SRGAP3: variants seen among roughly 807,000 people sequenced by gnomAD.
SRGAP3 encodes SLIT-ROBO Rho GTPase activating protein 3, also known as SLIT-ROBO Rho GTPase-activating protein 3.
In SRGAP3, 39 loss-of-function variants were observed where a neutral mutation model predicts 121.1. That is an observed-to-expected ratio of 0.32 (90% confidence interval 0.25 to 0.42). The LOEUF (loss-of-function observed/expected upper bound fraction) is 0.42, where lower values mean the gene tolerates loss of function less well. Ranked by LOEUF, SRGAP3 falls within the 10% of genes least tolerant of loss-of-function variation. The pLI is 1.00. For missense variants in SRGAP3, 1,213 were observed against 1,470.6 expected (o/e 0.82, Z 2.86); for synonymous variants, 601 against 570.0 (o/e 1.05, Z -0.77).
chr3:9,163,349 G>A (rs959219466), intron 1 of SRGAP3, among the ~76,000 whole-genome samples: 1 of 152,216 alleles, frequency 6.6e-6, no homozygotes, highest in Non-Finnish European at 1.5e-5. Flanking sequence ...AGCGAAGGAA[G>A]CAGAAAAGAA....
At chr3:9,339,933 A>C (rs1955754052) in intron 1 of SRGAP3, among the ~76,000 whole-genome samples, 1 of 152,196 alleles carries the variant, frequency 6.6e-6, no homozygotes, top group African/African-American at 2.4e-5. Flanking sequence ...AGGAACCTGG[A>C]GTGACAGGAT....
Position 9,061,529 on chromosome 3 carries a change from C to T in SRGAP3, c.673-1170G>A, listed in dbSNP as rs1019945276. 4.6e-5 allele frequency among the ~76,000 whole-genome samples: 7 copies of T among 152,148 alleles called. 1 individual carries two copies. Among genetic ancestry groups the T allele is most frequent in the African/African-American group, 9.7e-5 (4 of 41,428 alleles). The stretch of plus-strand genomic sequence containing the variant: ...CCCACTCCCTCTGCCCACCCCTGCC[C>T]GGCTCTTTTCTTAATAAGCACTTCC... On this transcript the variant is annotated intron_variant, in intron 5 of 21. Transcript: ENST00000383836.
In SRGAP3 at chr3:9,354,406, G is replaced by A. The variant is rs112585539; in HGVS notation, n.214+8434C>T. Among the ~76,000 whole-genome samples, 402 of 152,158 alleles carry A rather than the reference G, an allele frequency of 2.6e-3. 2 individuals carry two copies. The highest frequency in any genetic ancestry group is 9.3e-3 in the African/African-American group (386 of 41,520). ...TTAAGAATAGGCAAGGAGGCCGGGC[G>A]CGGTGGCTCATGCCTGTAATCCCAG... On this transcript the variant is annotated intron_variant and non_coding_transcript_variant, in intron 1 of 3. Transcript: ENST00000490889.
chr3:9,021,413 G>A (rs1408401232), intron 14 of SRGAP3, among the ~76,000 whole-genome samples: 1 of 152,012 alleles, frequency 6.6e-6, no homozygotes, highest in Non-Finnish European at 1.5e-5. Flanking sequence ...TTTTCATGAT[G>A]TGTTTTTTTT....
At chr3:9,016,011 T>C in intron 14 of SRGAP3, 2 of 471,816 alleles carry the variant, frequency 4.2e-6, no homozygotes, top group South Asian at 4.6e-5. Flanking sequence ...TCTCGCTCTT[T>C]CTGTATTTAT....
chr3:9,187,422 G>T (rs770816981), intron 1 of SRGAP3, among the ~76,000 whole-genome samples: 4 of 152,066 alleles, frequency 2.6e-5, no homozygotes, highest in Non-Finnish European at 4.4e-5. Context: ...ACGCCCAGAC[G>T]CTGTGCTGAG....
At chr3:9,228,887 C>A (rs1953092717) in intron 1 of SRGAP3, among the ~76,000 whole-genome samples, 1 of 151,378 alleles carries the variant, frequency 6.6e-6, no homozygotes, top group African/African-American at 2.4e-5. Context: ...ATGGTGAAAC[C>A]CCGTCTCTAC....
At chr3:9,357,267 AATTG>A (rs1350822847) in intron 1 of SRGAP3, among the ~76,000 whole-genome samples, 2 of 152,158 alleles carry the variant, frequency 1.3e-5, no homozygotes, top group African/African-American at 2.4e-5. Flanking sequence ...CATTTTTTTT[AATTG>A]ATAATGGGAT....
chr3:9,310,628 C>A (rs912602037), intron 3 of SRGAP3, among the ~76,000 whole-genome samples: 2 of 152,160 alleles, frequency 1.3e-5, no homozygotes, highest in Non-Finnish European at 2.9e-5. Context: ...ACTGCTATAA[C>A]CAGTTGATAC....
At chr3:9,326,946 G>T (rs1955530373) in intron 2 of SRGAP3, among the ~76,000 whole-genome samples, 1 of 151,694 alleles carries the variant, frequency 6.6e-6, no homozygotes, top group African/African-American at 2.4e-5. Context: ...ATAGCATGAG[G>T]CCAACTGACT....
chr3:9,259,430 GAA>G (rs1954206738), intron 3 of SRGAP3, among the ~76,000 whole-genome samples: 1 of 152,048 alleles, frequency 6.6e-6, no homozygotes, highest in African/African-American at 2.4e-5. Flanking sequence ...AGATCATACT[GAA>G]ACACCAGGTG....
chr3:9,199,821 G>C (rs1332001308), intron 1 of SRGAP3, among the ~76,000 whole-genome samples: 1 of 152,148 alleles, frequency 6.6e-6, no homozygotes, highest in Non-Finnish European at 1.5e-5. Flanking sequence ...GACATACCAA[G>C]CCCCATCCAA....
intron 1 of SRGAP3, among the ~76,000 whole-genome samples, chr3:9,127,564 C>T (rs1949283873): frequency 6.6e-6 from 1 of 151,946 alleles, no homozygotes; most frequent in Non-Finnish European, 1.5e-5. Context: ...CCTCCTGCCT[C>T]GGTCTCTAGA....
At chr3:9,116,470 AG>A (rs759454480) in intron 2 of SRGAP3, among the ~76,000 whole-genome samples, 6 of 152,216 alleles carry the variant, frequency 3.9e-5, no homozygotes, top group Non-Finnish European at 8.8e-5. Flanking sequence ...AACCAGATAT[AG>A]GAACTGGATC....
chr3:9,245,890 T>A (rs966263293), intron 1 of SRGAP3, among the ~76,000 whole-genome samples: 1 of 152,076 alleles, frequency 6.6e-6, no homozygotes, highest in African/African-American at 2.4e-5. Flanking sequence ...CATCACTACA[T>A]TCCAGCCTGG....
intron 1 of SRGAP3, among the ~76,000 whole-genome samples, chr3:9,150,850 C>G (rs1950187743): frequency 1.3e-5 from 2 of 152,248 alleles, no homozygotes; most frequent in Admixed American, 1.3e-4. Context: ...TGGACCACAT[C>G]TTGCAAGCCC....
At chr3:9,350,610 T>C (rs2030079217) in intron 1 of SRGAP3, among the ~76,000 whole-genome samples, 1 of 152,242 alleles carries the variant, frequency 6.6e-6, no homozygotes, top group Admixed American at 6.5e-5. Flanking sequence ...TTATTTCAAA[T>C]GTAGATGGTA....
At chr3:9,253,175 C>T (rs767499711), upstream of SRGAP3, among the ~76,000 whole-genome samples, 42 of 152,280 alleles carry the variant, frequency 2.8e-4, no homozygotes, top group Non-Finnish European at 4.9e-4. Context: ...GATCACAAAG[C>T]TAGCTAGTAA....
At chr3:9,330,858 G>C (rs1559280286) in intron 1 of SRGAP3, among the ~76,000 whole-genome samples, 1 of 152,184 alleles carries the variant, frequency 6.6e-6, no homozygotes, top group Admixed American at 6.5e-5. Flanking sequence ...TCAATGAGTG[G>C]TTAAATTATG....
Sources: gnomAD v4.1 joint callset for allele counts (sites outside exome capture counted in the v4.1 genomes callset) on GRCh38, gnomAD v4.1.1 for gene constraint, MANE v1.5 for transcripts, NCBI Gene and HGNC (gene_info 2026-07-23, HGNC 2026-07-21) for gene names.